GAP43: variants seen among roughly 807,000 people sequenced by gnomAD.
GAP43 encodes growth associated protein 43, also known as neuromodulin.
Under a neutral mutation model 18.6 loss-of-function variants are expected in GAP43, and 6 were observed. That is an observed-to-expected ratio of 0.32 (90% CI 0.18 to 0.64). The LOEUF (loss-of-function observed/expected upper bound fraction) is 0.64. Ranked by LOEUF, GAP43 falls within the 30% of genes least tolerant of loss-of-function variation. The probability of loss-of-function intolerance (pLI) is 0.78; values close to 1 mark genes in which losing one functional copy is unlikely to be tolerated. For synonymous variants in GAP43, 115 were observed against 111.4 expected, an observed-to-expected ratio of 1.03 and a Z score of -0.20; for missense variants, 292 against 295.5, an observed-to-expected ratio of 0.99 and a Z score of 0.09.
chr3:115,637,585 C>T (rs374365464), intron 1 of GAP43, among the ~76,000 whole-genome samples: 1 of 151,974 alleles, frequency 6.6e-6, no homozygotes, highest in South Asian at 2.1e-4. Context: ...GCGTTTTGTC[C>T]TTATACTTGC....
chr3:115,639,304 T>C (rs567051987), intron 1 of GAP43, among the ~76,000 whole-genome samples: 2 of 152,246 alleles, frequency 1.3e-5, no homozygotes, highest in South Asian at 2.1e-4. Context: ...AGAGATACTT[T>C]AGTGTAGTCA....
chr3:115,668,523 C>T (rs1708762834), intron 1 of GAP43, among the ~76,000 whole-genome samples: 1 of 152,164 alleles, frequency 6.6e-6, no homozygotes, highest in South Asian at 2.1e-4. Context: ...CTCCTGGGTT[C>T]AAGCAATTCT....
chr3:115,652,389 A>ATTTTTTTTTTTTTTTTTTTTT (rs1708531283), intron 1 of GAP43, among the ~76,000 whole-genome samples: 2 of 25,588 alleles, frequency 7.8e-5, no homozygotes, highest in African/African-American at 2.3e-4. Context: ...TTTTTTTGTG[A>ATTTTTTTTTTTTTTTTTTTTT]TAGAGTCTTG....
intron 1 of GAP43, among the ~76,000 whole-genome samples, chr3:115,643,735 T>C (rs1040073553): frequency 1.3e-5 from 2 of 151,988 alleles, no homozygotes; most frequent in African/African-American, 4.8e-5. Context: ...TTCTCTTTCA[T>C]TTTATTTTCT....
chr3:115,623,832 C>T, intron 1 of GAP43, 113 bp downstream of exon 1: 1 of 1,069,164 alleles, frequency 9.4e-7, no homozygotes, highest in Middle Eastern at 2.0e-4. Flanking sequence ...GGTGCTCGCG[C>T]TTCCTTAGCA....
In GAP43 at chr3:115,676,366, T is replaced by C; in HGVS notation, c.384T>C (p.Pro128=). The change falls in exon 2 of 3, where the codon CCT becomes CCC. Residue 128 remains proline, a synonymous_variant. Coordinates refer to ENST00000305124, the MANE Select transcript of GAP43 (RefSeq NM_002045.4). ...AATEQAAPQA[P]ASSEEKAGSA... is the part of the protein sequence containing the mutation. The stretch of plus-strand genomic sequence containing the variant: ...CAGAGCAGGCAGCCCCCCAGGCTCC[T>C]GCATCCTCAGAGGAGAAGGCCGGCT... The C allele has an allele frequency of 1.2e-6, 2 of 1,614,104 alleles. No homozygotes were observed. Among genetic ancestry groups the C allele is most frequent in the Non-Finnish European group, 1.7e-6 (2 of 1,179,978 alleles).
rs747505118 is a variant in GAP43, at chr3:115,676,081, G to A, written c.99G>A (p.Lys33=). 2.5e-5 allele frequency: 41 copies of A among 1,614,002 alleles called. No homozygotes were observed. The East Asian group carries it at 8.5e-4, about 33-fold the overall frequency. ...TCAAACCAGAAGATAAAGCTCATAA[G>A]GCCGCAACCAAAATTCAGGCTAGCT... The part of the protein sequence containing the change: ...DGIKPEDKAH[K]AATKIQASFR... Residue 33 remains lysine, a synonymous_variant, in exon 2 of 3, where the codon AAG becomes AAA. Transcript: ENST00000305124.
chr3:115,707,656 G>A (rs192090202), intron 2 of GAP43, among the ~76,000 whole-genome samples: 49 of 152,080 alleles, frequency 3.2e-4, no homozygotes, highest in African/African-American at 7.2e-4. Flanking sequence ...ACTACTTTGC[G>A]CATCTAAAAA....
In GAP43 at chr3:115,661,621, CG is replaced by C. The variant is rs1559794523; in HGVS notation, c.31-14389del. ...CTCCTGTCTCAGCCTCCCGAGTAGC[CG>C]GGACTACAGGCACCCGCCACCAAGC... On this transcript the variant is annotated intron_variant, in intron 1 of 2. Coordinates refer to ENST00000305124, the MANE Select transcript of GAP43 (RefSeq NM_002045.4). Among the ~76,000 whole-genome samples the C allele has an allele frequency of 3.9e-5, 6 of 151,968 alleles. No individual in the cohort carries two copies. In the South Asian group the frequency reaches 1.2e-3, roughly 32 times the overall value.
At chr3:115,659,919 G>A (rs1276803643) in intron 1 of GAP43, among the ~76,000 whole-genome samples, 1 of 152,170 alleles carries the variant, frequency 6.6e-6, no homozygotes, top group Non-Finnish European at 1.5e-5. Context: ...CCGCAACTAG[G>A]ACAGTGAGTT....
At chr3:115,694,554 G>A (rs1357723634) in intron 2 of GAP43, among the ~76,000 whole-genome samples, 1 of 152,168 alleles carries the variant, frequency 6.6e-6, no homozygotes, top group Non-Finnish European at 1.5e-5. Flanking sequence ...TCCACATGGA[G>A]TTTCTTGTTT....
chr3:115,639,705 G>C (rs1233109938), intron 1 of GAP43, among the ~76,000 whole-genome samples: 1 of 152,024 alleles, frequency 6.6e-6, no homozygotes, highest in Non-Finnish European at 1.5e-5. Flanking sequence ...AAAAATGCTA[G>C]TAGATTTTCC....
At chr3:115,719,450 G>A (rs1709550750) in intron 2 of GAP43, among the ~76,000 whole-genome samples, 1 of 152,102 alleles carries the variant, frequency 6.6e-6, no homozygotes, top group African/African-American at 2.4e-5. Flanking sequence ...GGTTTATGCT[G>A]AACATCTATT....
intron 1 of GAP43, among the ~76,000 whole-genome samples, chr3:115,670,517 AG>A (rs1338774642): frequency 6.6e-6 from 1 of 152,124 alleles, no homozygotes; most frequent in African/African-American, 2.4e-5. Context: ...CTCCTCCCTA[AG>A]GGGTATTTTA....
chr3:115,633,496 A>T (rs1708289686), intron 1 of GAP43, among the ~76,000 whole-genome samples: 1 of 152,178 alleles, frequency 6.6e-6, no homozygotes, highest in African/African-American at 2.4e-5. Flanking sequence ...GAAGGAACTT[A>T]TCTCAAGTGT....
At chr3:115,652,318 C>T (rs905801802) in intron 1 of GAP43, among the ~76,000 whole-genome samples, 1 of 127,814 alleles carries the variant, frequency 7.8e-6, no homozygotes, top group East Asian at 2.4e-4. Context: ...TTCTACATCT[C>T]TATATTCCTG....
At position 115,689,277 on chromosome 3, in the gene GAP43, G is replaced by A. The variant is rs191877589; in HGVS notation, c.628+12667G>A. Among the ~76,000 whole-genome samples, 9 of 152,250 alleles carry A rather than the reference G, an allele frequency of 5.9e-5. No individual in the cohort carries two copies. In the East Asian group the frequency reaches 7.7e-4, roughly 13 times the overall value. On this transcript the variant is annotated intron_variant, in intron 2 of 2. Coordinates refer to ENST00000305124, the MANE Select transcript of GAP43 (RefSeq NM_002045.4). The stretch of plus-strand genomic sequence containing the variant: ...TAAAACGACTGTGTTTATCTGTGTC[G>A]TCCTCAGTTTCTCTCCCTCTCAGTA...
intron 2 of GAP43, among the ~76,000 whole-genome samples, chr3:115,710,808 T>C (rs1256766057): frequency 6.6e-6 from 1 of 152,218 alleles, no homozygotes; most frequent in African/African-American, 2.4e-5. Context: ...GGTTTTATGA[T>C]TTTTGTCCAC....
chr3:115,643,954 A>G (rs2107471795), intron 1 of GAP43, among the ~76,000 whole-genome samples: 1 of 152,162 alleles, frequency 6.6e-6, no homozygotes, highest in Non-Finnish European at 1.5e-5. Context: ...TAAGCTAAAC[A>G]CGTGCTACAG....
Sources: allele counts gnomAD v4.1 joint callset (sites outside exome capture counted in the v4.1 genomes callset), GRCh38; gene constraint gnomAD v4.1.1; transcripts MANE v1.5; gene names NCBI Gene and HGNC (gene_info 2026-07-23, HGNC 2026-07-21).